The following LRRC7 variants were observed in gnomAD, a reference collection of about 807,000 sequenced individuals.
LRRC7 encodes leucine-rich repeat-containing protein 7.
In LRRC7, 23 loss-of-function variants were observed where a neutral mutation model predicts 175.7. The ratio of observed to expected loss-of-function variants is 0.13; its 90% CI spans 0.09 to 0.19. The LOEUF (loss-of-function observed/expected upper bound fraction) is 0.19, where lower values mean the gene tolerates loss of function less well. Among genes scored for constraint, LRRC7 ranks in the 10% least tolerant of loss-of-function variants. The probability of loss-of-function intolerance (pLI) is 1.00; values close to 1 mark genes in which losing one functional copy is unlikely to be tolerated. For synonymous variants in LRRC7, 685 were observed against 680.9 expected (o/e 1.01, Z -0.09); for missense variants, 1,354 against 1,904.7 (o/e 0.71, Z 5.38).
chr1:69,830,539 C>T (rs1205250191), intron 5 of LRRC7, among the ~76,000 whole-genome samples: 1 of 151,618 alleles, frequency 6.6e-6, no homozygotes, highest in Non-Finnish European at 1.5e-5. Flanking sequence ...TTTAAAAATT[C>T]CTTATCCCCA....
intron 7 of LRRC7, among the ~76,000 whole-genome samples, chr1:69,886,571 A>G (rs1218451803): frequency 6.6e-6 from 1 of 151,070 alleles, no homozygotes; most frequent in East Asian, 1.9e-4. Context: ...CTCTTTATCC[A>G]ATTTGCCAGT....
chr1:69,594,019 A>T (rs910305981), intron 1 of LRRC7, among the ~76,000 whole-genome samples: 3 of 152,176 alleles, frequency 2.0e-5, no homozygotes, highest in African/African-American at 7.2e-5. Context: ...TCCTTTTGAA[A>T]TGGAGATGAC....
chr1:70,020,949 A>G, intron 15 of LRRC7, 56 bp from the exon 16 acceptor site: 1 of 1,497,416 alleles, frequency 6.7e-7, no homozygotes, highest in Non-Finnish European at 9.0e-7. Context: ...TATATTAAAT[A>G]CTTTGTGTAA....
chr1:69,756,110 G>A lies in LRRC7; in HGVS notation c.101-4081G>A, dbSNP rs1382950377. ...ACACAAATAGGATACTATGAAAAAA[G>A]ATGATTCAGGGAACAACATACAACT... On this transcript the variant is annotated intron_variant, in intron 2 of 26. Coordinates refer to ENST00000651989, the MANE Select transcript of LRRC7 (RefSeq NM_001370785.2). 2.6e-5 allele frequency among the ~76,000 whole-genome samples: 4 copies of A among 151,944 alleles called. No individual in the cohort carries two copies. In the East Asian group the frequency reaches 5.8e-4, roughly 22 times the overall value.
At chr1:69,930,635 G>C (rs907497831) in intron 7 of LRRC7, among the ~76,000 whole-genome samples, 5 of 152,168 alleles carry the variant, frequency 3.3e-5, no homozygotes, top group Admixed American at 6.5e-5. Flanking sequence ...TTGTGTATTA[G>C]TCTGTTTTCA....
chr1:69,968,405 C>T (rs893383260), intron 8 of LRRC7, among the ~76,000 whole-genome samples: 10 of 152,100 alleles, frequency 6.6e-5, no homozygotes, highest in Admixed American at 2.6e-4. Flanking sequence ...AAAACTTCCC[C>T]AGCCTTGCTA....
intron 7 of LRRC7, among the ~76,000 whole-genome samples, chr1:69,852,457 G>T (rs1169904595): frequency 6.6e-6 from 1 of 152,002 alleles, no homozygotes; most frequent in Non-Finnish European, 1.5e-5. Flanking sequence ...ACAACATCTG[G>T]CTCTTGATTA....
At chr1:69,856,320 A>G (rs1017249325) in intron 7 of LRRC7, among the ~76,000 whole-genome samples, 1 of 152,214 alleles carries the variant, frequency 6.6e-6, no homozygotes, top group East Asian at 1.9e-4. Context: ...CAATGAATCC[A>G]GGAGCTGGTT....
At chr1:69,612,380 T>C (rs1037415574) in intron 1 of LRRC7, among the ~76,000 whole-genome samples, 13 of 151,992 alleles carry the variant, frequency 8.6e-5, no homozygotes, top group African/African-American at 3.1e-4. Flanking sequence ...TCCCAATAAC[T>C]TGAAAATACT....
At chr1:69,890,081 A>C (rs6424605) in intron 7 of LRRC7, among the ~76,000 whole-genome samples, 1 of 151,898 alleles carries the variant, frequency 6.6e-6, no homozygotes, top group Non-Finnish European at 1.5e-5. Flanking sequence ...TAATGTTGAT[A>C]GTTTGATCTC....
At chr1:69,909,135 C>A (rs1646430445) in intron 7 of LRRC7, among the ~76,000 whole-genome samples, 1 of 152,044 alleles carries the variant, frequency 6.6e-6, no homozygotes, top group Non-Finnish European at 1.5e-5. Flanking sequence ...GATCTTCCTC[C>A]ATCCTTTTAT....
intron 20 of LRRC7, 34 bp downstream of exon 20, chr1:70,036,658 C>CGTTTAT (rs1659345738): frequency 6.4e-7 from 1 of 1,556,362 alleles, no homozygotes; most frequent in African/African-American, 1.4e-5. Flanking sequence ...TGTTCCCAAA[C>CGTTTAT]GTTTATTTTC....
Position 70,122,181 on chromosome 1 carries a change from A to C in LRRC7, c.*294A>C. The C allele has an allele frequency of 4.7e-6, 1 of 214,946 alleles. No individual in the cohort carries two copies. 13.3% of individuals were successfully genotyped at this position (214,946 alleles called of 1,614,324 possible). ...TAAGTTTCTTCTCAAAATGGATTTC[A>C]TATAATTTCGGAGCACGGAAGCACA... is the stretch of plus-strand genomic sequence containing the variant. On this transcript the variant is annotated 3_prime_UTR_variant, in exon 27 of 27. Transcript: ENST00000651989.
chr1:70,124,632 T>C lies in LRRC7; in HGVS notation c.*2745T>C, dbSNP rs1265288751. 6.6e-6 allele frequency among the ~76,000 whole-genome samples: 1 copy of C among 152,076 alleles called. No homozygotes were observed. Among genetic ancestry groups the C allele is most frequent in the South Asian group, 2.1e-4 (1 of 4,834 alleles). On this transcript the variant is annotated 3_prime_UTR_variant, in exon 27 of 27. Coordinates refer to ENST00000651989, the MANE Select transcript of LRRC7 (RefSeq NM_001370785.2). ...AGGGGTATAAACCTCACTAATTCTA[T>C]AGGTGATGAAAACCAATTATACATT...
At chr1:69,911,351 T>G (rs745840636) in intron 7 of LRRC7, among the ~76,000 whole-genome samples, 3 of 152,166 alleles carry the variant, frequency 2.0e-5, no homozygotes, top group Non-Finnish European at 4.4e-5. Context: ...CTCCACCCTG[T>G]TGTAAGTTCT....
chr1:69,676,335 A>G (rs1659769078), intron 1 of LRRC7, among the ~76,000 whole-genome samples: 1 of 152,088 alleles, frequency 6.6e-6, no homozygotes. Context: ...AATGGTATGC[A>G]TGCTATCAAC....
chr1:70,016,277 A>T (rs754219551), intron 13 of LRRC7, among the ~76,000 whole-genome samples, 188 bp from the exon 14 acceptor site: 1 of 152,210 alleles, frequency 6.6e-6, no homozygotes, highest in Admixed American at 6.5e-5. Context: ...TTATTCAGAT[A>T]TAATGGGAAG....
At chr1:69,991,415 G>T (rs1654424586) in intron 10 of LRRC7, among the ~76,000 whole-genome samples, 1 of 152,090 alleles carries the variant, frequency 6.6e-6, no homozygotes, top group Admixed American at 6.6e-5. Flanking sequence ...TGTTGTAGTA[G>T]CTTACTCCTT....
chr1:69,643,598 G>A (rs1054087856), intron 1 of LRRC7, among the ~76,000 whole-genome samples: 3 of 152,072 alleles, frequency 2.0e-5, no homozygotes, highest in African/African-American at 7.2e-5. Flanking sequence ...ATTAACCATA[G>A]GAAAGTTTTG....
Sources: allele counts gnomAD v4.1 joint callset (sites outside exome capture counted in the v4.1 genomes callset), GRCh38; gene constraint gnomAD v4.1.1; transcripts MANE v1.5; gene names NCBI Gene and HGNC (gene_info 2026-07-23, HGNC 2026-07-21).